Variants in LSAMP observed in about 807,000 individuals in gnomAD.
LSAMP encodes the protein limbic system-associated membrane protein.
A neutral mutation model predicts 38.6 loss-of-function variants in LSAMP; 7 were observed. That is an observed-to-expected ratio of 0.18 (90% CI 0.10 to 0.34). LSAMP has a LOEUF of 0.34. Among genes scored for constraint, LSAMP ranks in the 10% least tolerant of loss-of-function variants. The pLI is 1.00. For synonymous variants in LSAMP, 154 were observed against 166.8 expected (o/e 0.92, Z 0.59); for missense variants, 313 against 420.0 (o/e 0.75, Z 2.23).
intron 1 of LSAMP, among the ~76,000 whole-genome samples, chr3:116,218,506 T>C (rs756265123): frequency 7.2e-4 from 109 of 152,314 alleles, no homozygotes; most frequent in Middle Eastern, 3.4e-3. Flanking sequence ...AGTTTTAATA[T>C]AGATTTGTCA....
chr3:115,810,132 T>C lies in LSAMP; in HGVS notation c.*185A>G. ...AAATTTTTAATGATGGACTGTAAAA[T>C]TGTTTTAAATGTTGTATTTTCTTCT... On this transcript the variant is annotated 3_prime_UTR_variant, in exon 7 of 7. Coordinates refer to ENST00000490035, the MANE Select transcript of LSAMP (RefSeq NM_002338.5). 1.8e-6 allele frequency: 1 copy of C among 562,276 alleles called. No homozygotes were observed. The highest frequency in any genetic ancestry group is 3.1e-6 in the Non-Finnish European group (1 of 318,232). 34.8% of individuals were successfully genotyped at this position (562,276 alleles called of 1,614,324 possible).
intron 3 of LSAMP, among the ~76,000 whole-genome samples, chr3:115,872,989 T>C (rs543679319): frequency 3.3e-5 from 5 of 152,280 alleles, no homozygotes; most frequent in Non-Finnish European, 5.9e-5. Flanking sequence ...TATACATATA[T>C]GTAAACATTC....
At chr3:115,875,568 A>G (rs565530135) in intron 3 of LSAMP, among the ~76,000 whole-genome samples, 1 of 152,090 alleles carries the variant, frequency 6.6e-6, no homozygotes, top group South Asian at 2.1e-4. Flanking sequence ...ATCTCAAATA[A>G]TTTTTCTTTG....
intron 1 of LSAMP, among the ~76,000 whole-genome samples, chr3:116,089,467 C>CCTGCCT (rs1708069331): frequency 1.3e-5 from 2 of 152,190 alleles, no homozygotes; most frequent in South Asian, 4.1e-4. Context: ...ACGCCATTCT[C>CCTGCCT]CTGCCTCTGC....
At chr3:116,444,624 C>T (rs949180627) in intron 1 of LSAMP, among the ~76,000 whole-genome samples, 1 of 151,810 alleles carries the variant, frequency 6.6e-6, no homozygotes, top group Non-Finnish European at 1.5e-5. Context: ...AAGAACCGAA[C>T]AACATTTAAC....
rs1333944211 is a variant in LSAMP, at chr3:116,362,739, A to T, written c.155+82138T>A. 1.9e-4 allele frequency among the ~76,000 whole-genome samples: 21 copies of T among 108,584 alleles called. 1 individual carries two copies. The highest frequency in any genetic ancestry group is 3.3e-4 in the Non-Finnish European group (19 of 57,290). 71.2% of individuals were successfully genotyped at this position (108,584 alleles called of 152,430 possible). ...AGCCGCTCAACTACCTGGAAACTGA[A>T]CAACCTGCTCCTGAATGACTACTGG... On this transcript the variant is annotated intron_variant, in intron 1 of 6. Coordinates refer to ENST00000490035, the MANE Select transcript of LSAMP (RefSeq NM_002338.5).
chr3:116,122,437 A>G (rs1316791377), intron 1 of LSAMP, among the ~76,000 whole-genome samples: 2 of 152,198 alleles, frequency 1.3e-5, no homozygotes, highest in Non-Finnish European at 2.9e-5. Flanking sequence ...TCACCTTATC[A>G]AAAGGTCTTT....
intron 1 of LSAMP, among the ~76,000 whole-genome samples, chr3:116,161,894 A>C (rs1229741013): frequency 1.3e-5 from 2 of 152,086 alleles, no homozygotes; most frequent in African/African-American, 2.4e-5. Flanking sequence ...CAGAGACAAA[A>C]ACACACACAT....
intron 1 of LSAMP, among the ~76,000 whole-genome samples, chr3:116,355,542 G>C (rs1001993053): frequency 2.0e-5 from 3 of 152,116 alleles, no homozygotes; most frequent in Middle Eastern, 3.2e-3. Context: ...AATTTCTTGA[G>C]TAATACTCCA....
chr3:115,956,171 A>G (rs16824320), intron 3 of LSAMP, among the ~76,000 whole-genome samples: 5,645 of 151,806 alleles, frequency 0.037, 237 homozygotes, highest in African/African-American at 0.11. Flanking sequence ...ATATAGCTGT[A>G]AAGGGAAACT....
At chr3:116,432,337 T>C (rs993486594) in intron 1 of LSAMP, among the ~76,000 whole-genome samples, 2 of 151,578 alleles carry the variant, frequency 1.3e-5, no homozygotes, top group Non-Finnish European at 1.5e-5. Context: ...TATAAATATA[T>C]ACAAAAATAA....
At chr3:116,124,312 T>C (rs1271583047) in intron 1 of LSAMP, among the ~76,000 whole-genome samples, 1 of 152,232 alleles carries the variant, frequency 6.6e-6, no homozygotes, top group Admixed American at 6.5e-5. Flanking sequence ...AATACATCAC[T>C]GCTTCTCATT....
intron 3 of LSAMP, among the ~76,000 whole-genome samples, chr3:115,939,570 T>TTCTTTCTTTCCTTCTTTC (rs1937833123): frequency 7.3e-6 from 1 of 136,764 alleles, no homozygotes; most frequent in East Asian, 2.3e-4. Flanking sequence ...CTTTCTTTCT[T>TTCTTTCTTTCCTTCTTTC]TCTTTCTTTC....
intron 3 of LSAMP, among the ~76,000 whole-genome samples, chr3:115,869,198 C>A (rs943924241): frequency 1.3e-5 from 2 of 150,944 alleles, no homozygotes; most frequent in Admixed American, 6.7e-5. Context: ...TAGCCATAAA[C>A]AAAAAGCCAG....
chr3:116,300,672 C>A (rs79248005), intron 1 of LSAMP, among the ~76,000 whole-genome samples: 8,002 of 152,194 alleles, frequency 0.053, 283 homozygotes, highest in Non-Finnish European at 0.078. Flanking sequence ...TGATCTGAGA[C>A]TCTAACTAAT....
At chr3:116,047,485 G>A (rs952045576) in intron 2 of LSAMP, among the ~76,000 whole-genome samples, 10 of 150,178 alleles carry the variant, frequency 6.7e-5, no homozygotes, top group Middle Eastern at 3.5e-3. Context: ...TTCCAGGTTT[G>A]TCTCTTCCAA....
At chr3:116,188,800 A>G (rs1277284507) in intron 1 of LSAMP, among the ~76,000 whole-genome samples, 3 of 152,216 alleles carry the variant, frequency 2.0e-5, no homozygotes. Context: ...AGAGGCTCCC[A>G]GTCTAACACA....
At chr3:116,204,307 T>C (rs1401856189) in intron 1 of LSAMP, among the ~76,000 whole-genome samples, 2 of 151,608 alleles carry the variant, frequency 1.3e-5, no homozygotes, top group Non-Finnish European at 3.0e-5. Context: ...ATTAGCCCTT[T>C]GTCAGATGAG....
intron 1 of LSAMP, among the ~76,000 whole-genome samples, chr3:116,354,836 G>A (rs1004248234): frequency 8.1e-6 from 1 of 122,780 alleles, no homozygotes; most frequent in East Asian, 2.5e-4. Context: ...TCTCTCTCTG[G>A]GTGTATATAT....
Sources: gnomAD v4.1 joint callset for allele counts (sites outside exome capture counted in the v4.1 genomes callset) on GRCh38, gnomAD v4.1.1 for gene constraint, MANE v1.5 for transcripts, NCBI Gene and HGNC (gene_info 2026-07-23, HGNC 2026-07-21) for gene names.